SF3A3: variants seen among roughly 807,000 people sequenced by gnomAD.
SF3A3 encodes SAP 61.
A neutral mutation model predicts 85.8 loss-of-function variants in SF3A3; 9 were observed. The observed-to-expected ratio is 0.10, with a 90% CI of 0.06 to 0.18. SF3A3 has a LOEUF of 0.18. SF3A3 is among the 10% of genes least tolerant of loss of function. The pLI is 1.00. For missense variants in SF3A3, 306 were observed against 593.3 expected, an observed-to-expected ratio of 0.52 and a Z score of 5.03; for synonymous variants, 195 against 204.4, an observed-to-expected ratio of 0.95 and a Z score of 0.39.
At chr1:37,976,815 C>A in intron 12 of SF3A3, 69 bp downstream of exon 12, 1 of 972,204 alleles carries the variant, frequency 1.0e-6, no homozygotes. Flanking sequence ...AAAGTATCTT[C>A]TGTGAGTTCC....
intron 16 of SF3A3, among the ~76,000 whole-genome samples, chr1:37,958,849 T>C (rs1178512434): frequency 6.6e-6 from 1 of 152,214 alleles, no homozygotes; most frequent in African/African-American, 2.4e-5. Context: ...AGTGAGTCAG[T>C]ACCATTCCTT....
chr1:37,969,146 G>A (rs553792143), intron 14 of SF3A3, among the ~76,000 whole-genome samples: 1 of 152,300 alleles, frequency 6.6e-6, no homozygotes, highest in South Asian at 2.1e-4. Context: ...GAGTGGTGCG[G>A]TAGAATTCCT....
At chr1:37,961,270 T>C (rs1407632379) in intron 15 of SF3A3, among the ~76,000 whole-genome samples, 3 of 152,328 alleles carry the variant, frequency 2.0e-5, no homozygotes, top group African/African-American at 7.2e-5. Flanking sequence ...CAACTTTTCC[T>C]TCTTTGCTAA....
At chr1:37,988,265 G>A (rs1218998530) in intron 2 of SF3A3, among the ~76,000 whole-genome samples, 1 of 152,138 alleles carries the variant, frequency 6.6e-6, no homozygotes, top group Non-Finnish European at 1.5e-5. Context: ...CATTACATAG[G>A]CTTCCTTTGT....
chr1:37,976,524 A>G (rs1646381082), intron 12 of SF3A3, among the ~76,000 whole-genome samples: 1 of 152,108 alleles, frequency 6.6e-6, no homozygotes, highest in African/African-American at 2.4e-5. Flanking sequence ...TCATAACTGA[A>G]AGGCCACTTT....
rs1646314461 is a variant in SF3A3, at chr1:37,967,958, C to G, written c.1372+86G>C. 10 of 788,432 alleles carry G rather than the reference C, an allele frequency of 1.3e-5. No homozygotes were observed. The Admixed American group carries it at 1.8e-4, about 14-fold the overall frequency. The allele number at this position is 788,432 out of a possible 1,614,324, so 48.8% of individuals were successfully genotyped here. Reference sequence around the variant, plus strand: ...TATCCACAACCTACTGCCTTTAACCCTGGATACACAGGGTATTAGGATGCT... The same window carrying G: ...TATCCACAACCTACTGCCTTTAACCGTGGATACACAGGGTATTAGGATGCT... On this transcript the variant is annotated intron_variant, in intron 15 of 16. Coordinates refer to ENST00000373019, the MANE Select transcript of SF3A3 (RefSeq NM_006802.4).
At position 37,983,586 on chromosome 1, in the gene SF3A3, C is replaced by CAAAAAAAAAAAAA. The variant is rs371317065; in HGVS notation, c.468+570_468+582dup. On this transcript the variant is annotated intron_variant, in intron 6 of 16. Transcript: ENST00000373019. ...TGGGTGACAAAGTGAGACCCTGTCTCAAAAAAAAAAAAAAAAAAAAAAGAT... is the reference window on the plus strand; with the variant it reads ...TGGGTGACAAAGTGAGACCCTGTCTCAAAAAAAAAAAAAAAAAAAAAAAAAAAAAAAAAAAGAT... Among the ~76,000 whole-genome samples the CAAAAAAAAAAAAA allele has an allele frequency of 4.2e-3, 161 of 38,460 alleles. 39 individuals carry two copies. Among genetic ancestry groups the CAAAAAAAAAAAAA allele is most frequent in the East Asian group, 0.019 (7 of 360 alleles). 25.2% of individuals were successfully genotyped at this position (38,460 alleles called of 152,430 possible).
At chr1:37,976,341 C>G (rs1003962604) in intron 12 of SF3A3, among the ~76,000 whole-genome samples, 1 of 152,128 alleles carries the variant, frequency 6.6e-6, no homozygotes, top group Non-Finnish European at 1.5e-5. Context: ...GCATACTGGT[C>G]AGGCTAGGCC....
chr1:37,963,074 C>T lies in SF3A3; in HGVS notation c.1373-2899G>A, dbSNP rs909369129. Among the ~76,000 whole-genome samples the T allele has an allele frequency of 2.0e-5, 3 of 147,928 alleles. 1 individual carries two copies. In the South Asian group the frequency reaches 6.3e-4, roughly 31 times the overall value. ...CTGCACTCTAGCCTGAGCAACAGAG[C>T]GAGACTCCGTCTCAAAAAAAAAAAA... On this transcript the variant is annotated intron_variant, in intron 15 of 16. Coordinates refer to ENST00000373019, the MANE Select transcript of SF3A3 (RefSeq NM_006802.4).
intron 16 of SF3A3, among the ~76,000 whole-genome samples, chr1:37,959,822 G>A (rs202230907): frequency 6.6e-6 from 1 of 151,962 alleles, no homozygotes; most frequent in Non-Finnish European, 1.5e-5. Flanking sequence ...GTCGGGTGTG[G>A]TGGCGGGCGC....
At chr1:37,977,772 G>C (rs975090145) in intron 11 of SF3A3, among the ~76,000 whole-genome samples, 5 of 152,216 alleles carry the variant, frequency 3.3e-5, no homozygotes, top group African/African-American at 1.2e-4. Flanking sequence ...CAGGGCGGTG[G>C]AGGTTGCAGC....
In SF3A3 at chr1:37,976,309, C is replaced by T. The variant is rs556207384; in HGVS notation, c.1005+575G>A. 7.6e-4 allele frequency among the ~76,000 whole-genome samples: 115 copies of T among 152,280 alleles called. 1 individual carries two copies. In the South Asian group the frequency reaches 0.023, roughly 31 times the overall value. On this transcript the variant is annotated intron_variant, in intron 12 of 16. Coordinates refer to ENST00000373019, the MANE Select transcript of SF3A3 (RefSeq NM_006802.4). ...AGATTTCTTTTCCTCCTACTCCTCT[C>T]CCTGCTTTCTCTCTGAGACAAGCAT... is the stretch of plus-strand genomic sequence containing the variant.
intron 15 of SF3A3, among the ~76,000 whole-genome samples, chr1:37,964,706 G>C (rs1405516800): frequency 2.0e-5 from 3 of 152,200 alleles, no homozygotes; most frequent in African/African-American, 4.8e-5. Flanking sequence ...ACCACTGCGG[G>C]GAAAACAGGA....
intron 15 of SF3A3, among the ~76,000 whole-genome samples, chr1:37,962,894 C>T (rs71642619): frequency 0.11 from 17,089 of 151,512 alleles, 977 homozygotes; most frequent in East Asian, 0.17. Flanking sequence ...GAGACCAGCC[C>T]GGGCAACAAA....
At chr1:37,968,250 G>T (rs1042193879) in intron 14 of SF3A3, 116 bp from the exon 15 acceptor site, 1 of 696,220 alleles carries the variant, frequency 1.4e-6, no homozygotes, top group East Asian at 2.5e-5. Flanking sequence ...CCACCTAAAG[G>T]TAGCATTCCT....
At chr1:37,961,303 G>T (rs79915740) in intron 15 of SF3A3, among the ~76,000 whole-genome samples, 2 of 152,130 alleles carry the variant, frequency 1.3e-5, no homozygotes, top group African/African-American at 4.8e-5. Context: ...AGCTGAAGTT[G>T]GCCAGGCACA....
intron 2 of SF3A3, 102 bp from the exon 3 acceptor site, chr1:37,987,938 G>A (rs1414799015): frequency 8.9e-6 from 8 of 895,312 alleles, no homozygotes; most frequent in Middle Eastern, 2.1e-4. Context: ...GCAACCTCAA[G>A]AGACATGGAT....
intron 5 of SF3A3, 68 bp downstream of exon 5, chr1:37,984,639 C>T: frequency 9.6e-7 from 1 of 1,042,402 alleles, no homozygotes. Flanking sequence ...GAGGCCATGG[C>T]TGCAAATCTG....
rs1208440611 is a variant in SF3A3 at position 37,989,956 on chromosome 1, T to C, written c.10A>G (p.Ile4Val). 4 of 1,611,284 alleles carry C rather than the reference T, an allele frequency of 2.5e-6. No homozygotes were observed. Among genetic ancestry groups the C allele is most frequent in the Non-Finnish European group, 2.5e-6 (3 of 1,179,412 alleles). ...TGATAGCGCCGCTGCTGCTCCAGTA[T>C]TGTCTCCATCTTCCCTTAGTCGCGG... MET[I>V]LEQQRRYHEE... Residue 4 changes from isoleucine to valine, a missense_variant, in exon 1 of 17, where the codon ATA (isoleucine) becomes GTA (valine). Transcript: ENST00000373019.
Sources: allele counts gnomAD v4.1 joint callset (sites outside exome capture counted in the v4.1 genomes callset), GRCh38; gene constraint gnomAD v4.1.1; transcripts MANE v1.5; gene names NCBI Gene and HGNC (gene_info 2026-07-23, HGNC 2026-07-21).